Variants in DPP10 observed in about 807,000 individuals in gnomAD.
DPP10 encodes the protein inactive dipeptidyl peptidase 10.
DPP10 carries 33 observed loss-of-function variants against 120.9 expected under a neutral mutation model. The ratio of observed to expected loss-of-function variants is 0.27; its 90% CI spans 0.21 to 0.37. The LOEUF is 0.37. DPP10 is among the 10% of genes least tolerant of loss of function. The pLI is 1.00. For missense variants in DPP10, 816 were observed against 942.8 expected (o/e 0.87, Z 1.76); for synonymous variants, 337 against 326.1 (o/e 1.03, Z -0.36).
At chr2:115,432,323 A>G (rs911172982) in intron 3 of DPP10, among the ~76,000 whole-genome samples, 6 of 152,076 alleles carry the variant, frequency 3.9e-5, no homozygotes, top group African/African-American at 7.2e-5. Flanking sequence ...GATGCAATTT[A>G]TTTTAGGAAA....
intron 1 of DPP10, among the ~76,000 whole-genome samples, chr2:115,034,593 A>G (rs1250005024): frequency 1.3e-5 from 2 of 152,208 alleles, no homozygotes; most frequent in Non-Finnish European, 2.9e-5. Context: ...TCTAAGCATA[A>G]AACTCAAGAC....
intron 1 of DPP10, among the ~76,000 whole-genome samples, chr2:115,117,738 C>T (rs140576527): frequency 6.6e-6 from 1 of 152,282 alleles, no homozygotes; most frequent in Non-Finnish European, 1.5e-5. Flanking sequence ...GAGAACCAGC[C>T]TTATCTTCTT....
At chr2:115,056,243 G>GGATA (rs1316212534) in intron 1 of DPP10, among the ~76,000 whole-genome samples, 2 of 152,082 alleles carry the variant, frequency 1.3e-5, no homozygotes, top group Non-Finnish European at 2.9e-5. Flanking sequence ...TATGAGTCAA[G>GGATA]GATACTATTG....
chr2:114,808,440 A>G (rs183293846), intron 1 of DPP10, among the ~76,000 whole-genome samples: 1 of 152,256 alleles, frequency 6.6e-6, no homozygotes, highest in Admixed American at 6.5e-5. Context: ...TTTATGAGAT[A>G]CCATCAAAAG....
intron 1 of DPP10, among the ~76,000 whole-genome samples, chr2:115,292,084 T>A (rs1034106591): frequency 5.9e-5 from 9 of 152,226 alleles, no homozygotes; most frequent in African/African-American, 4.8e-5. Flanking sequence ...TGGAAAAAAA[T>A]TATTCCATTT....
intron 5 of DPP10, among the ~76,000 whole-genome samples, chr2:115,655,722 A>T (rs995272413): frequency 2.6e-5 from 4 of 151,660 alleles, no homozygotes; most frequent in African/African-American, 9.7e-5. Flanking sequence ...GAATAAATAT[A>T]AAAAGATATT....
chr2:115,203,184 C>T (rs35747327), intron 1 of DPP10, among the ~76,000 whole-genome samples: 3 of 152,052 alleles, frequency 2.0e-5, no homozygotes, highest in Admixed American at 1.3e-4. Flanking sequence ...ATTCAACTGC[C>T]GTGTCCAAGA....
At chr2:114,763,718 A>C (rs1680474223) in intron 1 of DPP10, among the ~76,000 whole-genome samples, 1 of 152,244 alleles carries the variant, frequency 6.6e-6, no homozygotes, top group Non-Finnish European at 1.5e-5. Flanking sequence ...CACATATCCC[A>C]GTAGCAATTA....
At chr2:114,584,028 T>A (rs193035123) in intron 1 of DPP10, among the ~76,000 whole-genome samples, 1,947 of 152,320 alleles carry the variant, frequency 0.013, 26 homozygotes, top group Non-Finnish European at 0.023. Context: ...AATATTTTTT[T>A]AAAAAAGAAC....
intron 1 of DPP10, among the ~76,000 whole-genome samples, chr2:115,214,687 C>T (rs2056715060): frequency 1.3e-5 from 2 of 152,138 alleles, no homozygotes; most frequent in Admixed American, 1.3e-4. Context: ...CAATAACACT[C>T]AATGATCTTA....
intron 1 of DPP10, among the ~76,000 whole-genome samples, chr2:114,929,804 T>A (rs1466205833): frequency 6.6e-6 from 1 of 152,246 alleles, no homozygotes; most frequent in Non-Finnish European, 1.5e-5. Context: ...TAGGAAATTA[T>A]AAGAGTATTG....
At chr2:114,922,090 T>C (rs1695238403) in intron 1 of DPP10, among the ~76,000 whole-genome samples, 1 of 152,240 alleles carries the variant, frequency 6.6e-6, no homozygotes, top group Non-Finnish European at 1.5e-5. Flanking sequence ...TATTGAGATA[T>C]AATTTACATA....
intron 3 of DPP10, among the ~76,000 whole-genome samples, chr2:115,381,998 G>C (rs2066414952): frequency 1.3e-5 from 2 of 152,294 alleles, no homozygotes; most frequent in South Asian, 2.1e-4. Flanking sequence ...GGTTACTGCT[G>C]TCTTTTTGTT....
chr2:115,147,648 G>A (rs1049897539), intron 1 of DPP10, among the ~76,000 whole-genome samples: 5 of 152,026 alleles, frequency 3.3e-5, no homozygotes, highest in African/African-American at 7.2e-5. Flanking sequence ...AGTGGAAAGC[G>A]TGGCAGAATG....
At chr2:115,528,702 A>G (rs907852140) in intron 5 of DPP10, among the ~76,000 whole-genome samples, 1 of 152,136 alleles carries the variant, frequency 6.6e-6, no homozygotes, top group African/African-American at 2.4e-5. Flanking sequence ...CAAGCTTTCA[A>G]TGTAGACAGA....
At chr2:114,770,061 G>C (rs1303277445) in intron 1 of DPP10, among the ~76,000 whole-genome samples, 1 of 152,156 alleles carries the variant, frequency 6.6e-6, no homozygotes, top group Non-Finnish European at 1.5e-5. Flanking sequence ...CAGCAGGATG[G>C]TTTTAAAAGA....
chr2:114,892,618 C>T (rs958720148), intron 1 of DPP10, among the ~76,000 whole-genome samples: 41 of 152,282 alleles, frequency 2.7e-4, no homozygotes, highest in African/African-American at 9.4e-4. Flanking sequence ...GCTTGGCAGG[C>T]GCGTCAGTAA....
chr2:114,644,644 T>A (rs1389079286), intron 1 of DPP10, among the ~76,000 whole-genome samples: 3 of 151,834 alleles, frequency 2.0e-5, no homozygotes, highest in Non-Finnish European at 1.5e-5. Flanking sequence ...CAGGTTCACA[T>A]TTTCAGCCTT....
At chr2:115,839,572 G>A (rs1299287235) in intron 24 of DPP10, among the ~76,000 whole-genome samples, 1 of 151,204 alleles carries the variant, frequency 6.6e-6, no homozygotes, top group African/African-American at 2.4e-5. Flanking sequence ...TACTCAGGAG[G>A]CTGAGGCAGG....
Sources: allele counts gnomAD v4.1 joint callset (sites outside exome capture counted in the v4.1 genomes callset), GRCh38; gene constraint gnomAD v4.1.1; transcripts MANE v1.5; gene names NCBI Gene and HGNC (gene_info 2026-07-23, HGNC 2026-07-21).